The following CAMK4 variants were observed in gnomAD, a reference collection of about 807,000 sequenced individuals.
CAMK4 encodes the protein calcium/calmodulin-dependent protein kinase type IV.
CAMK4 carries 22 observed loss-of-function variants against 44.9 expected under a neutral mutation model. The ratio of observed to expected loss-of-function variants is 0.49; its 90% CI spans 0.35 to 0.70. The LOEUF (loss-of-function observed/expected upper bound fraction) is 0.70. Among genes scored for constraint, CAMK4 ranks in the 30% least tolerant of loss-of-function variants. CAMK4 has a pLI of 0.01. For missense variants in CAMK4, 498 were observed against 586.8 expected (o/e 0.85, Z 1.56); for synonymous variants, 218 against 215.4 (o/e 1.01, Z -0.11).
At chr5:111,350,137 G>GT (rs1750032101) in intron 2 of CAMK4, among the ~76,000 whole-genome samples, 3 of 151,958 alleles carry the variant, frequency 2.0e-5, no homozygotes, top group Admixed American at 1.3e-4. Flanking sequence ...CTCTCAATCT[G>GT]TTTTTTCATC....
At chr5:111,285,364 G>C (rs1751199521) in intron 1 of CAMK4, among the ~76,000 whole-genome samples, 2 of 152,168 alleles carry the variant, frequency 1.3e-5, no homozygotes, top group Admixed American at 1.3e-4. Context: ...ATAAGCACAG[G>C]TGGCCAATGT....
At chr5:111,244,497 T>A (rs1015045130) in intron 1 of CAMK4, among the ~76,000 whole-genome samples, 1 of 152,220 alleles carries the variant, frequency 6.6e-6, no homozygotes, top group African/African-American at 2.4e-5. Flanking sequence ...TTCTTTGTCA[T>A]ACCTCTTTGA....
At chr5:111,343,116 A>C (rs1249260091) in intron 1 of CAMK4, among the ~76,000 whole-genome samples, 1 of 151,734 alleles carries the variant, frequency 6.6e-6, no homozygotes, top group African/African-American at 2.4e-5. Flanking sequence ...AATACATGTT[A>C]ATATTTTTAA....
At chr5:111,379,165 G>T (rs1356093535) in intron 4 of CAMK4, among the ~76,000 whole-genome samples, 1 of 152,082 alleles carries the variant, frequency 6.6e-6, no homozygotes, top group Non-Finnish European at 1.5e-5. Flanking sequence ...ATAAATAATT[G>T]CAGGACAGGA....
intron 5 of CAMK4, among the ~76,000 whole-genome samples, chr5:111,395,778 A>C (rs1751984714): frequency 6.6e-6 from 1 of 152,158 alleles, no homozygotes; most frequent in Non-Finnish European, 1.5e-5. Context: ...GATGTTGTCT[A>C]ATATGTGCTG....
chr5:111,400,891 A>T (rs189145375), intron 5 of CAMK4, among the ~76,000 whole-genome samples: 221 of 151,784 alleles, frequency 1.5e-3, no homozygotes, highest in African/African-American at 5.0e-3. Flanking sequence ...ATTAGGGAAT[A>T]TTCCCTCTCC....
intron 4 of CAMK4, among the ~76,000 whole-genome samples, chr5:111,393,233 T>C (rs937363176): frequency 6.6e-6 from 1 of 152,192 alleles, no homozygotes; most frequent in Admixed American, 6.5e-5. Context: ...AAATGGAGCA[T>C]AATTGAACAT....
rs148044347 is a variant in CAMK4, at chr5:111,363,610, A to G, written c.241-11240A>G. ...CCGTGTGTGTATGTGTGTATGTTGTATGTGTGTTAGTGTGTAACTACTTTT... is the reference window on the plus strand; with the variant it reads ...CCGTGTGTGTATGTGTGTATGTTGTGTGTGTGTTAGTGTGTAACTACTTTT... On this transcript the variant is annotated intron_variant, in intron 2 of 10. Coordinates refer to ENST00000282356, the MANE Select transcript of CAMK4 (RefSeq NM_001744.6). Among the ~76,000 whole-genome samples, 31 of 152,120 alleles carry G rather than the reference A, an allele frequency of 2.0e-4. 1 individual carries two copies. The highest frequency in any genetic ancestry group is 1.4e-3 in the East Asian group (7 of 5,168).
chr5:111,359,294 G>GGCATCTTCATCATGA (rs1750507235), intron 2 of CAMK4, among the ~76,000 whole-genome samples: 1 of 35,616 alleles, frequency 2.8e-5, no homozygotes, highest in African/African-American at 6.4e-5. Context: ...TTGTGGTTTT[G>GGCATCTTCATCATGA]ATTTTCGTTT....
intron 2 of CAMK4, among the ~76,000 whole-genome samples, chr5:111,362,407 A>G (rs889575383): frequency 1.3e-5 from 2 of 151,518 alleles, no homozygotes; most frequent in East Asian, 1.9e-4. Context: ...TATGGATATT[A>G]GATATTCATA....
chr5:111,436,051 T>G (rs1753634847), intron 5 of CAMK4, among the ~76,000 whole-genome samples: 1 of 152,216 alleles, frequency 6.6e-6, no homozygotes, highest in Admixed American at 6.5e-5. Flanking sequence ...TCTGTTCATT[T>G]TTTTGCATAA....
At chr5:111,226,934 A>G (rs1443105270) in intron 1 of CAMK4, among the ~76,000 whole-genome samples, 1 of 152,232 alleles carries the variant, frequency 6.6e-6, no homozygotes, top group Non-Finnish European at 1.5e-5. Flanking sequence ...ATACATTGCT[A>G]AGATTCTCGC....
chr5:111,370,745 T>C (rs1272830140), intron 2 of CAMK4, among the ~76,000 whole-genome samples: 1 of 151,978 alleles, frequency 6.6e-6, no homozygotes, highest in Non-Finnish European at 1.5e-5. Context: ...TGAAACCCCG[T>C]CTCTACCAGA....
chr5:111,474,109 C>T (rs1174004506), intron 8 of CAMK4, among the ~76,000 whole-genome samples: 1 of 152,054 alleles, frequency 6.6e-6, no homozygotes, highest in Non-Finnish European at 1.5e-5. Flanking sequence ...AATAAGATAT[C>T]GATGCTTTCA....
At chr5:111,477,605 G>A (rs769691554) in intron 8 of CAMK4, among the ~76,000 whole-genome samples, 2 of 152,112 alleles carry the variant, frequency 1.3e-5, no homozygotes, top group Non-Finnish European at 2.9e-5. Context: ...CTCTTGTTAA[G>A]ATGCCCAAGA....
At chr5:111,326,927 G>A (rs1015162730) in intron 1 of CAMK4, among the ~76,000 whole-genome samples, 2 of 151,738 alleles carry the variant, frequency 1.3e-5, no homozygotes, top group Non-Finnish European at 2.9e-5. Flanking sequence ...CGAATTCTCT[G>A]CACATTGTTA....
intron 5 of CAMK4, among the ~76,000 whole-genome samples, chr5:111,424,993 A>G (rs1286533830): frequency 6.6e-6 from 1 of 151,798 alleles, no homozygotes; most frequent in Non-Finnish European, 1.5e-5. Flanking sequence ...GCAAAACCCT[A>G]TCTCTACTGA....
At chr5:111,429,443 A>T (rs1208832663) in intron 5 of CAMK4, among the ~76,000 whole-genome samples, 2 of 152,136 alleles carry the variant, frequency 1.3e-5, no homozygotes, top group Non-Finnish European at 2.9e-5. Context: ...AAGAAATCTA[A>T]AACCTGAACA....
intron 1 of CAMK4, among the ~76,000 whole-genome samples, chr5:111,338,820 G>C (rs927609089): frequency 6.6e-6 from 1 of 151,080 alleles, no homozygotes; most frequent in Non-Finnish European, 1.5e-5. Flanking sequence ...TTGGTATATT[G>C]TGTCCATTTT....
Sources: gnomAD v4.1 joint callset for allele counts (sites outside exome capture counted in the v4.1 genomes callset) on GRCh38, gnomAD v4.1.1 for gene constraint, MANE v1.5 for transcripts, NCBI Gene and HGNC (gene_info 2026-07-23, HGNC 2026-07-21) for gene names.